Variants in FAM234B observed in about 807,000 individuals in gnomAD.
FAM234B encodes the protein family with sequence similarity 234 member B, also known as protein FAM234B.
In FAM234B, 33 loss-of-function variants were observed where a neutral mutation model predicts 69.3. That is an observed-to-expected ratio of 0.48 (90% CI 0.36 to 0.64). The LOEUF (loss-of-function observed/expected upper bound fraction) is 0.64, where lower values mean the gene tolerates loss of function less well. Ranked by LOEUF, FAM234B falls within the 30% of genes least tolerant of loss-of-function variation. The pLI is 0.00. For synonymous variants in FAM234B, 306 were observed against 306.9 expected (o/e 1.00, Z 0.03); for missense variants, 697 against 769.7 (o/e 0.91, Z 1.12).
At chr12:13,055,402 A>G in intron 1 of FAM234B, 149 bp from the exon 2 acceptor site, 1 of 698,142 alleles carries the variant, frequency 1.4e-6, no homozygotes, top group Admixed American at 3.2e-5. Flanking sequence ...TCTGTTTTAC[A>G]GATAGCCACC....
intron 1 of FAM234B, among the ~76,000 whole-genome samples, chr12:13,047,861 TTGGTGGACTTCTTTTAAGGCAAG>T (rs1205555827): frequency 9.9e-5 from 15 of 152,260 alleles, no homozygotes; most frequent in East Asian, 5.8e-4. Context: ...TTAAGGCAAG[TTGGTGGACTTCTTTTAAGGCAAG>T]TTGGTGGACG....
intron 11 of FAM234B, 25 bp from the exon 12 acceptor site, chr12:13,079,764 T>C: frequency 1.3e-6 from 2 of 1,487,328 alleles, no homozygotes; most frequent in Non-Finnish European, 9.4e-7. Flanking sequence ...CCATGTTAAC[T>C]GCTCTTGTTT....
intron 1 of FAM234B, among the ~76,000 whole-genome samples, chr12:13,051,256 T>C (rs967853518): frequency 6.6e-6 from 1 of 152,254 alleles, no homozygotes; most frequent in Non-Finnish European, 1.5e-5. Flanking sequence ...TCTTCCTCCC[T>C]GCCTGTGATA....
intron 9 of FAM234B, among the ~76,000 whole-genome samples, chr12:13,069,159 C>T (rs1168054151): frequency 6.6e-6 from 1 of 152,080 alleles, no homozygotes; most frequent in East Asian, 1.9e-4. Flanking sequence ...GAAAACATGC[C>T]AGGTCAGGGG....
chr12:13,075,320 C>T (rs1232304729), intron 10 of FAM234B, among the ~76,000 whole-genome samples: 1 of 152,190 alleles, frequency 6.6e-6, no homozygotes, highest in Non-Finnish European at 1.5e-5. Context: ...CTCCACAAAG[C>T]CCCATCTGCT....
intron 5 of FAM234B, among the ~76,000 whole-genome samples, chr12:13,063,941 G>T (rs978937237): frequency 6.6e-6 from 1 of 152,158 alleles, no homozygotes; most frequent in African/African-American, 2.4e-5. Context: ...TTGCTGTTGT[G>T]ATCTTTGTAT....
At chr12:13,077,437 A>C (rs1865174769) in intron 11 of FAM234B, among the ~76,000 whole-genome samples, 1 of 86,590 alleles carries the variant, frequency 1.2e-5, no homozygotes, top group Non-Finnish European at 2.2e-5. Context: ...CCACCCCACA[A>C]CAGTCCCCAG....
intron 3 of FAM234B, among the ~76,000 whole-genome samples, chr12:13,058,800 C>CAG (rs1437016901): frequency 3.3e-5 from 5 of 152,190 alleles, no homozygotes; most frequent in Non-Finnish European, 7.3e-5. Flanking sequence ...AACTGTGATG[C>CAG]AGAGAGGAAG....
chr12:13,050,896 T>G (rs1018398279), intron 1 of FAM234B, among the ~76,000 whole-genome samples: 132 of 152,336 alleles, frequency 8.7e-4, no homozygotes, highest in African/African-American at 3.1e-3. Flanking sequence ...TGAACTCTGC[T>G]CATTGCTGAA....
At position 13,044,665 on chromosome 12, in the gene FAM234B, G is replaced by C. The variant is rs2120429447; in HGVS notation, c.37+225G>C. Among the ~76,000 whole-genome samples, 1 of 152,320 alleles carries C rather than the reference G, an allele frequency of 6.6e-6. No homozygotes were observed. The highest frequency in any genetic ancestry group is 1.9e-4 in the East Asian group (1 of 5,166). ...GGGTCTCGGGCGCGGGGCGAACCCG[G>C]AGACGCGCGGGGAGAGGGCGCCGAG... On this transcript the variant is annotated intron_variant, in intron 1 of 12. Transcript: ENST00000197268. This position sits in a 1 kb window ranked among gnomAD's most constrained non-coding sequence, Gnocchi z 5.6.
intron 2 of FAM234B, among the ~76,000 whole-genome samples, chr12:13,057,763 AC>A (rs1194062648): frequency 6.6e-6 from 1 of 151,832 alleles, no homozygotes; most frequent in Non-Finnish European, 1.5e-5. Context: ...TGCTGACACC[AC>A]CCCCGTGGAG....
At chr12:13,066,537 T>C in intron 5 of FAM234B, 103 bp from the exon 6 acceptor site, 5 of 1,297,804 alleles carry the variant, frequency 3.9e-6, no homozygotes, top group Non-Finnish European at 5.2e-6. Flanking sequence ...GGAGTGTTTC[T>C]GAGCCCGTGG....
At chr12:13,070,206 TATATAA>T (rs1191074062) in intron 9 of FAM234B, among the ~76,000 whole-genome samples, 13 of 115,134 alleles carry the variant, frequency 1.1e-4, no homozygotes, top group Admixed American at 1.1e-3. Flanking sequence ...TATATATATA[TATATAA>T]AATGAAATAT....
chr12:13,047,314 A>C (rs1045386339), intron 1 of FAM234B, among the ~76,000 whole-genome samples: 1 of 152,226 alleles, frequency 6.6e-6, no homozygotes, highest in African/African-American at 2.4e-5. Flanking sequence ...TGAAGGTCAA[A>C]CACTGGAGGG....
chr12:13,062,817 A>G (rs758496121), intron 4 of FAM234B, 28 bp from the exon 5 acceptor site: 4 of 1,610,964 alleles, frequency 2.5e-6, no homozygotes, highest in Non-Finnish European at 3.4e-6. Flanking sequence ...AAGTTGTCAT[A>G]GTGACCAGCC....
intron 1 of FAM234B, among the ~76,000 whole-genome samples, chr12:13,049,426 C>T (rs58870984): frequency 6.2e-4 from 95 of 152,298 alleles, no homozygotes; most frequent in African/African-American, 2.2e-3. Context: ...GTGATCTGCT[C>T]GCCTTGGCCT....
chr12:13,055,701 A>T lies in FAM234B; in HGVS notation c.188A>T (p.Asp63Val). The T allele has an allele frequency of 6.2e-7, 1 of 1,614,250 alleles. No homozygotes were observed. Among genetic ancestry groups the T allele is most frequent in the Non-Finnish European group, 8.5e-7 (1 of 1,180,044 alleles). The change falls in exon 2 of 13, where the codon GAT becomes GTT. Residue 63 changes from aspartate to valine, a missense_variant. Transcript: ENST00000197268. ...PLGEAPEPDS[D>V]AEVAEAAKPH... ...GGAGAAGCGCCAGAACCCGACTCAG[A>T]TGCTGAGGTTGCAGAGGCTGCAAAG...
intron 1 of FAM234B, among the ~76,000 whole-genome samples, chr12:13,046,315 G>T (rs1304654643): frequency 6.6e-6 from 1 of 152,032 alleles, no homozygotes; most frequent in Admixed American, 6.6e-5. Flanking sequence ...ACTATTTTTA[G>T]TTTTTGCATT....
At chr12:13,051,654 G>T (rs548365154) in intron 1 of FAM234B, among the ~76,000 whole-genome samples, 1 of 152,308 alleles carries the variant, frequency 6.6e-6, no homozygotes, top group African/African-American at 2.4e-5. Flanking sequence ...CTAGTTCCAA[G>T]AACCATATTT....
Sources: allele counts gnomAD v4.1 joint callset (sites outside exome capture counted in the v4.1 genomes callset), GRCh38; gene constraint gnomAD v4.1.1; non-coding constraint Gnocchi (gnomAD v3.1); transcripts MANE v1.5; gene names NCBI Gene and HGNC (gene_info 2026-07-23, HGNC 2026-07-21).